Variants in TTLL5 observed in about 807,000 individuals in gnomAD.
TTLL5 encodes the protein tubulin tyrosine ligase like 5.
A neutral mutation model predicts 168.4 loss-of-function variants in TTLL5; 132 were observed. The ratio of observed to expected loss-of-function variants is 0.78; its 90% CI spans 0.68 to 0.91. The LOEUF is 0.91. Among genes scored for constraint, TTLL5 ranks in the 40% least tolerant of loss-of-function variants. The pLI is 0.00. For missense variants in TTLL5, 1,545 were observed against 1,581.5 expected (o/e 0.98, Z 0.39); for synonymous variants, 546 against 558.6 (o/e 0.98, Z 0.32).
intron 31 of TTLL5, among the ~76,000 whole-genome samples, chr14:75,920,272 A>T (rs975028693): frequency 2.0e-5 from 3 of 151,626 alleles, no homozygotes; most frequent in African/African-American, 7.3e-5. Flanking sequence ...AGATAACCCA[A>T]TTTTTTTTTA....
intron 17 of TTLL5, among the ~76,000 whole-genome samples, chr14:75,751,973 A>G (rs889663438): frequency 2.0e-5 from 3 of 152,196 alleles, no homozygotes; most frequent in Admixed American, 2.0e-4. Flanking sequence ...TGGATTATCC[A>G]TGCCTCTCCT....
intron 3 of TTLL5, among the ~76,000 whole-genome samples, chr14:75,670,248 A>T (rs1883629110): frequency 6.6e-6 from 1 of 150,908 alleles, no homozygotes; most frequent in African/African-American, 2.4e-5. Flanking sequence ...TTTATTTTTT[A>T]GATACAGGAT....
At chr14:75,663,951 G>T (rs1883068503) in intron 2 of TTLL5, among the ~76,000 whole-genome samples, 1 of 152,086 alleles carries the variant, frequency 6.6e-6, no homozygotes, top group African/African-American at 2.4e-5. Context: ...GGGCGTGATG[G>T]TGGGTATCTG....
At chr14:75,775,070 C>T (rs1482524673) in intron 21 of TTLL5, among the ~76,000 whole-genome samples, 1 of 149,810 alleles carries the variant, frequency 6.7e-6, no homozygotes, top group Non-Finnish European at 1.5e-5. Flanking sequence ...TTTTCTATCT[C>T]TAAATATGAA....
intron 3 of TTLL5, among the ~76,000 whole-genome samples, chr14:75,675,863 G>A (rs1202611307): frequency 6.6e-6 from 1 of 152,286 alleles, no homozygotes; most frequent in South Asian, 2.1e-4. Flanking sequence ...AATGAATGTT[G>A]TTATAAGGTT....
intron 31 of TTLL5, chr14:75,902,676 C>T: frequency 2.2e-6 from 1 of 454,932 alleles, no homozygotes; most frequent in Non-Finnish European, 4.4e-6. Context: ...GGTCTTTGAT[C>T]TACGTGTTGT....
At chr14:75,757,806 C>T in intron 18 of TTLL5, 1 of 1,584,432 alleles carries the variant, frequency 6.3e-7, no homozygotes, top group Non-Finnish European at 8.5e-7. Flanking sequence ...ATTCTCTAAC[C>T]CGGTTGTCCT....
chr14:75,926,699 T>G (rs1378677929), intron 31 of TTLL5, among the ~76,000 whole-genome samples: 3 of 152,188 alleles, frequency 2.0e-5, no homozygotes, highest in Non-Finnish European at 2.9e-5. Context: ...GGAATCCTTA[T>G]ACACTGCTGG....
intron 3 of TTLL5, among the ~76,000 whole-genome samples, chr14:75,669,913 A>G (rs1351564842): frequency 1.3e-5 from 2 of 152,112 alleles, no homozygotes; most frequent in African/African-American, 4.8e-5. Flanking sequence ...AGATATCCCC[A>G]GCCCCCATAC....
chr14:75,952,400 T>C (rs2034988848), intron 31 of TTLL5, among the ~76,000 whole-genome samples: 2 of 152,246 alleles, frequency 1.3e-5, no homozygotes, highest in South Asian at 4.1e-4. Flanking sequence ...GGAACCTTCA[T>C]GCACTGTTGG....
intron 15 of TTLL5, among the ~76,000 whole-genome samples, chr14:75,739,841 C>G (rs1889139807): frequency 6.6e-6 from 1 of 152,174 alleles, no homozygotes; most frequent in Non-Finnish European, 1.5e-5. Flanking sequence ...AGAAGATTTA[C>G]TCCCCTTCAC....
At chr14:75,707,734 G>A in intron 9 of TTLL5, 27 bp downstream of exon 9, 2 of 1,190,846 alleles carry the variant, frequency 1.7e-6, no homozygotes, top group Non-Finnish European at 2.5e-6. Flanking sequence ...GGGTGAAGGG[G>A]TTGGGTGGGT....
chr14:75,699,378 T>C, intron 7 of TTLL5, 108 bp downstream of exon 7: 1 of 990,074 alleles, frequency 1.0e-6, no homozygotes, highest in Non-Finnish European at 1.5e-6. Flanking sequence ...AGGTGTGCTC[T>C]TCTTAAATCT....
intron 27 of TTLL5, among the ~76,000 whole-genome samples, chr14:75,814,115 C>T (rs1210661971): frequency 6.6e-6 from 1 of 152,170 alleles, no homozygotes; most frequent in Non-Finnish European, 1.5e-5. Flanking sequence ...TTGGGATGCT[C>T]AATTGGTATA....
At chr14:75,774,534 C>G (rs1377121908) in intron 21 of TTLL5, among the ~76,000 whole-genome samples, 1 of 152,144 alleles carries the variant, frequency 6.6e-6, no homozygotes, top group Non-Finnish European at 1.5e-5. Flanking sequence ...TTCTTGTACT[C>G]TCTTTATTGA....
intron 29 of TTLL5, 146 bp from the exon 30 acceptor site, chr14:75,882,539 A>T (rs1363756987): frequency 6.1e-6 from 4 of 659,008 alleles, no homozygotes; most frequent in Non-Finnish European, 1.0e-5. Context: ...CTGCACTGGC[A>T]ACATTAGAGA....
At chr14:75,952,328 G>GA (rs142552694) in intron 31 of TTLL5, among the ~76,000 whole-genome samples, 3,604 of 152,180 alleles carry the variant, frequency 0.024, 64 homozygotes, top group African/African-American at 0.055. Context: ...AAAGAAAAAG[G>GA]AAAAACACAG....
chr14:75,671,413 C>T lies in TTLL5; in HGVS notation c.181+1891C>T, dbSNP rs549748653. Among the ~76,000 whole-genome samples, 5 of 152,270 alleles carry T rather than the reference C, an allele frequency of 3.3e-5. No individual in the cohort carries two copies. The South Asian group carries it at 1.0e-3, about 32-fold the overall frequency. ...AATTCCATATGAATGTTAGGATCAG[C>T]TTTTCCCCTTTCTTCAAAAATGGCT... On this transcript the variant is annotated intron_variant, in intron 3 of 31. Coordinates refer to ENST00000298832, the MANE Select transcript of TTLL5 (RefSeq NM_015072.5).
intron 20 of TTLL5, among the ~76,000 whole-genome samples, chr14:75,767,555 A>T (rs191618440): frequency 8.5e-5 from 13 of 152,334 alleles, no homozygotes; most frequent in African/African-American, 3.1e-4. Flanking sequence ...AGACATCGTA[A>T]TGAGCTTGGT....
Sources: allele counts gnomAD v4.1 joint callset (sites outside exome capture counted in the v4.1 genomes callset), GRCh38; gene constraint gnomAD v4.1.1; transcripts MANE v1.5; gene names NCBI Gene and HGNC (gene_info 2026-07-23, HGNC 2026-07-21).